TENM4: variants seen among roughly 807,000 people sequenced by gnomAD.
TENM4 encodes the protein teneurin transmembrane protein 4.
TENM4 carries 82 observed loss-of-function variants against 243.3 expected under a neutral mutation model. The observed-to-expected ratio is 0.34, with a 90% CI of 0.28 to 0.40. The LOEUF (loss-of-function observed/expected upper bound fraction) is 0.40. TENM4 is among the 10% of genes least tolerant of loss of function. TENM4 has a pLI of 1.00. For synonymous variants in TENM4, 1,412 were observed against 1,456.3 expected (o/e 0.97, Z 0.69); for missense variants, 3,138 against 3,673.3 (o/e 0.85, Z 3.77).
intron 3 of TENM4, among the ~76,000 whole-genome samples, chr11:79,190,523 G>T (rs959565978): frequency 6.6e-6 from 1 of 152,088 alleles, no homozygotes; most frequent in Non-Finnish European, 1.5e-5. Context: ...TTTACTTTTA[G>T]AATAAATGAA....
At chr11:79,347,849 G>A (rs544757412) in intron 1 of TENM4, among the ~76,000 whole-genome samples, 36 of 135,998 alleles carry the variant, frequency 2.6e-4, no homozygotes, top group Non-Finnish European at 4.7e-4. Flanking sequence ...GCGCAATCTC[G>A]GCTCACTGCA....
intron 9 of TENM4, among the ~76,000 whole-genome samples, chr11:78,874,661 C>T (rs1859220824): frequency 6.6e-6 from 1 of 152,180 alleles, no homozygotes; most frequent in South Asian, 2.1e-4. Context: ...ACTCCATCTC[C>T]TCTCAAATAC....
chr11:78,985,188 A>T (rs1310275099), intron 6 of TENM4, among the ~76,000 whole-genome samples: 2 of 152,044 alleles, frequency 1.3e-5, no homozygotes. Flanking sequence ...ATTCATAAAA[A>T]CCACCACCAG....
intron 1 of TENM4, among the ~76,000 whole-genome samples, chr11:79,344,904 A>G (rs536465401): frequency 4.8e-4 from 73 of 152,336 alleles, no homozygotes; most frequent in African/African-American, 1.6e-3. Context: ...TCATGTTGTC[A>G]CTTCTTAGTC....
intron 18 of TENM4, among the ~76,000 whole-genome samples, chr11:78,760,127 G>T (rs1273678694): frequency 1.3e-5 from 2 of 152,182 alleles, no homozygotes; most frequent in African/African-American, 2.4e-5. Context: ...GGGGTTGTCT[G>T]ATTCATTTCA....
At chr11:78,727,320 G>A (rs1471661352) in intron 22 of TENM4, among the ~76,000 whole-genome samples, 1 of 151,792 alleles carries the variant, frequency 6.6e-6, no homozygotes, top group African/African-American at 2.4e-5. Context: ...GGTGGTGGGC[G>A]CCTGTAGTCC....
chr11:79,005,999 G>A (rs927212423), intron 6 of TENM4, among the ~76,000 whole-genome samples: 7 of 152,140 alleles, frequency 4.6e-5, no homozygotes, highest in African/African-American at 1.7e-4. Flanking sequence ...ATCACACAAA[G>A]TATTTTTTTC....
chr11:78,780,250 G>C (rs1235635434), intron 16 of TENM4, among the ~76,000 whole-genome samples: 1 of 152,190 alleles, frequency 6.6e-6, no homozygotes, highest in Middle Eastern at 3.2e-3. Flanking sequence ...AATCTTTCTT[G>C]ATTCTTGGCT....
chr11:79,026,570 G>T lies in TENM4; in HGVS notation c.493+38168C>A, dbSNP rs74905217. Among the ~76,000 whole-genome samples the T allele has an allele frequency of 3.3e-5, 5 of 152,204 alleles. No homozygotes were observed. In the East Asian group the frequency reaches 9.6e-4, roughly 29 times the overall value. On this transcript the variant is annotated intron_variant, in intron 6 of 33. Transcript: ENST00000278550. ...CAGACGTCCTAGAACCTAATCAGTG[G>T]TGTTAGAAGTAGTACTTTTAGTGCT...
intron 1 of TENM4, among the ~76,000 whole-genome samples, chr11:79,376,292 A>C (rs1370802457): frequency 6.6e-6 from 1 of 152,222 alleles, no homozygotes; most frequent in African/African-American, 2.4e-5. Flanking sequence ...ACAAGATCAA[A>C]TACCTGTCTC....
intron 1 of TENM4, among the ~76,000 whole-genome samples, chr11:79,339,122 G>A (rs1857201160): frequency 1.3e-5 from 2 of 152,238 alleles, no homozygotes; most frequent in Admixed American, 6.5e-5. Context: ...TCCAGCATCA[G>A]GAGAGTGGCA....
intron 1 of TENM4, among the ~76,000 whole-genome samples, chr11:79,351,449 TA>T (rs771909372): frequency 6.6e-6 from 1 of 152,188 alleles, no homozygotes. Context: ...CTCACACCTG[TA>T]ATCCCAGAAC....
intron 4 of TENM4, among the ~76,000 whole-genome samples, chr11:79,083,919 C>T (rs952934850): frequency 6.6e-6 from 1 of 152,082 alleles, no homozygotes; most frequent in Non-Finnish European, 1.5e-5. Flanking sequence ...AAAATTTTTG[C>T]AAACCACATA....
At chr11:78,874,505 G>A (rs1254537483) in intron 9 of TENM4, among the ~76,000 whole-genome samples, 1 of 152,176 alleles carries the variant, frequency 6.6e-6, no homozygotes, top group Admixed American at 6.5e-5. Flanking sequence ...ACAATTAGGT[G>A]TATGCATAGT....
chr11:78,776,071 C>T (rs1365550524), intron 17 of TENM4, among the ~76,000 whole-genome samples: 1 of 152,078 alleles, frequency 6.6e-6, no homozygotes, highest in Non-Finnish European at 1.5e-5. Context: ...TCTCCATATT[C>T]ACTTCCCTAG....
Position 78,816,381 on chromosome 11 carries a change from C to A in TENM4, c.1682-1986G>T, listed in dbSNP as rs80073796. Reference sequence around the variant, plus strand: ...AGTGCTTCTTTCTTTGCAATCCCAACCAGCCCTATCTTGGGATAGTTTGGG... The same window carrying A: ...AGTGCTTCTTTCTTTGCAATCCCAAACAGCCCTATCTTGGGATAGTTTGGG... On this transcript the variant is annotated intron_variant, in intron 12 of 33. Transcript: ENST00000278550. Among the ~76,000 whole-genome samples, 1,396 of 152,344 alleles carry A rather than the reference C, an allele frequency of 9.2e-3. 13 individuals carry two copies. The highest frequency in any genetic ancestry group is 0.031 in the African/African-American group (1,292 of 41,584).
At chr11:79,421,894 T>C (rs1858939848) in intron 1 of TENM4, among the ~76,000 whole-genome samples, 2 of 152,048 alleles carry the variant, frequency 1.3e-5, no homozygotes. Context: ...CGGGGTGGTT[T>C]AGAGCTGCCA....
intron 4 of TENM4, among the ~76,000 whole-genome samples, chr11:79,109,903 G>A (rs983553128): frequency 6.6e-6 from 1 of 152,178 alleles, no homozygotes; most frequent in African/African-American, 2.4e-5. Context: ...GTTGTAGTAA[G>A]CATTAACTGA....
chr11:79,314,574 A>T (rs534514), intron 1 of TENM4, among the ~76,000 whole-genome samples: 90,277 of 152,066 alleles, frequency 0.59, 27,194 homozygotes, highest in South Asian at 0.7. Flanking sequence ...GGTTACACAG[A>T]TAAATGTCAG....
Sources: allele counts gnomAD v4.1 joint callset (sites outside exome capture counted in the v4.1 genomes callset), GRCh38; gene constraint gnomAD v4.1.1; transcripts MANE v1.5; gene names NCBI Gene and HGNC (gene_info 2026-07-23, HGNC 2026-07-21).